Variants in TTC34 observed in about 807,000 individuals in gnomAD.
TTC34 encodes tetratricopeptide repeat protein 34.
Under a neutral mutation model 40.7 loss-of-function variants are expected in TTC34, and 44 were observed. The observed-to-expected ratio is 1.08, with a 90% CI of 0.85 to 1.39. The LOEUF (loss-of-function observed/expected upper bound fraction) is 1.39, where lower values mean the gene tolerates loss of function less well. Among genes scored for constraint, TTC34 ranks in the 40% most tolerant of loss-of-function variants. The pLI, the probability that TTC34 is intolerant of heterozygous loss-of-function variation, is 0.00. For synonymous variants in TTC34, 422 were observed against 398.6 expected (o/e 1.06, Z -0.70); for missense variants, 884 against 838.0 (o/e 1.05, Z -0.68).
chr1:2,652,157 A>G (rs1173017838), intron 6 of TTC34, among the ~76,000 whole-genome samples: 4 of 104,938 alleles, frequency 3.8e-5, no homozygotes, highest in Non-Finnish European at 8.2e-5. Context: ...CTGGAACACA[A>G]CCCACACCCC....
intron 6 of TTC34, among the ~76,000 whole-genome samples, chr1:2,652,428 T>C (rs1487313843): frequency 1.3e-4 from 20 of 151,790 alleles, no homozygotes; most frequent in African/African-American, 1.9e-4. Context: ...TCTGACAGCC[T>C]GGAACAGCAC....
exon 3 of TTC34, chr1:2,790,289 C>G: frequency 2.5e-6 from 1 of 398,456 alleles, no homozygotes; most frequent in African/African-American, 2.1e-5. Flanking sequence ...CTGGGCCCGG[C>G]CGTCCAGGAA....
chr1:2,755,342 T>C (rs1166544498), intron 6 of TTC34, among the ~76,000 whole-genome samples: 594 of 5,470 alleles, frequency 0.11, 1 homozygote, highest in Middle Eastern at 0.23. Context: ...GCACCCACAC[T>C]GCCAGGCGAG....
intron 6 of TTC34, among the ~76,000 whole-genome samples, chr1:2,687,282 C>G (rs1199216271): frequency 1.4e-5 from 2 of 140,088 alleles, no homozygotes; most frequent in Non-Finnish European, 3.0e-5. Flanking sequence ...GCAGCACCCA[C>G]AACCACAGGT....
intron 2 of TTC34, 51 bp from the exon 3 acceptor site, chr1:2,790,397 G>A: frequency 2.5e-6 from 1 of 398,320 alleles, no homozygotes; most frequent in South Asian, 1.3e-4. Context: ...CGACTCCCCG[G>A]GGGTGCCACC....
Position 2,645,521 on chromosome 1 carries a change from CG to C in TTC34, c.2268del (p.Thr758LeufsTer9). On this transcript the variant is annotated frameshift_variant, in exon 7 of 9. Coordinates refer to ENST00000401095, the Ensembl canonical transcript of TTC34. LOFTEE classifies it high-confidence loss of function. The surrounding 1 kb of genome is among the most constrained non-coding windows in gnomAD (Gnocchi z 4.7). ...GAGCGGAGCTCAGGGACCACAGTCCCGGGGCCGAGCTTCAGAGCAGAGACGA... is the reference window on the plus strand; with the variant it reads ...GAGCGGAGCTCAGGGACCACAGTCCCGGGCCGAGCTTCAGAGCAGAGACGA... 1 of 1,192,190 alleles carries C rather than the reference CG, an allele frequency of 8.4e-7. No homozygotes were observed. Among genetic ancestry groups the C allele is most frequent in the Non-Finnish European group, 1.1e-6 (1 of 944,252 alleles). 73.9% of individuals were successfully genotyped at this position (1,192,190 alleles called of 1,614,324 possible). A position where few individuals can be genotyped will look rare whatever the true frequency, so the allele number is the denominator to read the frequency against.
chr1:2,748,863 T>C (rs1314093662), intron 6 of TTC34, among the ~76,000 whole-genome samples: 127 of 33,008 alleles, frequency 3.8e-3, no homozygotes, highest in East Asian at 0.011. Context: ...ATCTGATGCT[T>C]TGGAGCAGCA....
At chr1:2,682,067 C>A (rs1316905740) in intron 6 of TTC34, among the ~76,000 whole-genome samples, 4 of 132,752 alleles carry the variant, frequency 3.0e-5, no homozygotes, top group African/African-American at 5.9e-5. Flanking sequence ...CACCCCACAC[C>A]CACAGGTGAG....
intron 6 of TTC34, among the ~76,000 whole-genome samples, chr1:2,777,581 G>T (rs1326667626): frequency 6.6e-6 from 1 of 151,922 alleles, no homozygotes; most frequent in Non-Finnish European, 1.5e-5. Context: ...ACAGGACAGG[G>T]TTGTTGGCCA....
intron 6 of TTC34, among the ~76,000 whole-genome samples, chr1:2,686,234 C>G (rs1476292654): frequency 6.7e-6 from 1 of 150,016 alleles, no homozygotes; most frequent in African/African-American, 2.5e-5. Flanking sequence ...TGGAGCAGTG[C>G]CCACACCCCC....
intron 6 of TTC34, among the ~76,000 whole-genome samples, chr1:2,683,530 ATGGT>A: frequency 6.8e-6 from 1 of 147,216 alleles, no homozygotes; most frequent in Non-Finnish European, 1.5e-5. Flanking sequence ...TGAGCATCTG[ATGGT>A]CTGGAGCAGC....
At chr1:2,692,605 G>GGCTAGAACAGCACCCACACC (rs1640675659) in intron 6 of TTC34, among the ~76,000 whole-genome samples, 2 of 148,072 alleles carry the variant, frequency 1.4e-5, no homozygotes, top group Admixed American at 6.7e-5. Flanking sequence ...GCATCTGACT[G>GGCTAGAACAGCACCCACACC]CCTGGAACAG....
chr1:2,783,871 G>A lies in TTC34; in HGVS notation c.2060-96C>T, dbSNP rs547903497. The A allele has an allele frequency of 7.5e-6, 9 of 1,206,406 alleles. No homozygotes were observed. The Middle Eastern group carries it at 7.0e-4, about 94-fold the overall frequency. The allele number at this position is 1,206,406 out of a possible 1,614,324, so 74.7% of individuals were successfully genotyped here. A position where few individuals can be genotyped will look rare whatever the true frequency, so the allele number is the denominator to read the frequency against. On this transcript the variant is annotated intron_variant, in intron 5 of 8. Coordinates refer to ENST00000401095, the Ensembl canonical transcript of TTC34. ...CCCGGGGAGGGCAGAGGGTGCATGA[G>A]CTTCAGGGCCTACCTTGGGGAGCTC...
exon 3 of TTC34, chr1:2,789,605 T>C: frequency 7.2e-7 from 1 of 1,393,434 alleles, no homozygotes; most frequent in Non-Finnish European, 9.3e-7. Context: ...ACGGGCCTCC[T>C]CCCGCAGCAC....
At chr1:2,790,621 C>T (rs1198774323) in intron 2 of TTC34, among the ~76,000 whole-genome samples, 1 of 152,242 alleles carries the variant, frequency 6.6e-6, no homozygotes, top group Non-Finnish European at 1.5e-5. Flanking sequence ...CGACACTGTG[C>T]TCTCAGGGTG....
At chr1:2,751,650 CCAG>C (rs1641324332) in intron 6 of TTC34, among the ~76,000 whole-genome samples, 1 of 143,878 alleles carries the variant, frequency 7.0e-6, no homozygotes, top group Non-Finnish European at 1.5e-5. Context: ...ACCCACACCC[CCAG>C]TTGAGCATTG....
At chr1:2,757,006 A>ATC (rs1641528821) in intron 6 of TTC34, among the ~76,000 whole-genome samples, 3 of 92,130 alleles carry the variant, frequency 3.3e-5, no homozygotes, top group African/African-American at 1.3e-4. Flanking sequence ...AGCCTCTGAC[A>ATC]GCCTGGAACA....
At chr1:2,691,592 AG>A in intron 6 of TTC34, among the ~76,000 whole-genome samples, 1 of 118,860 alleles carries the variant, frequency 8.4e-6, no homozygotes, top group East Asian at 2.6e-4. Flanking sequence ...TGCCCAGGTG[AG>A]ACCCTGACAG....
chr1:2,790,287 G>A (rs985480667), exon 3 of TTC34: 3 of 398,488 alleles, frequency 7.5e-6, no homozygotes, highest in Admixed American at 4.4e-5. Context: ...TCCTGGGCCC[G>A]GCCGTCCAGG....
Sources: allele counts gnomAD v4.1 joint callset (sites outside exome capture counted in the v4.1 genomes callset), GRCh38; gene constraint gnomAD v4.1.1; non-coding constraint Gnocchi (gnomAD v3.1); transcripts MANE v1.5; gene names NCBI Gene and HGNC (gene_info 2026-07-23, HGNC 2026-07-21).